The following C10orf143 variants were observed in gnomAD, a reference collection of about 807,000 sequenced individuals.
C10orf143 encodes chromosome 10 open reading frame 143, also known as uncharacterized protein C10orf143.
At chr10:130,059,600 G>T (rs1350863953), downstream of C10orf143, among the ~76,000 whole-genome samples, 2 of 152,122 alleles carry the variant, frequency 1.3e-5, no homozygotes, top group Non-Finnish European at 2.9e-5. Flanking sequence ...AATCTAAATA[G>T]AATCCACTTA....
intron 3 of C10orf143, among the ~76,000 whole-genome samples, chr10:130,074,520 C>A (rs551246748): frequency 1.3e-5 from 2 of 152,266 alleles, no homozygotes; most frequent in South Asian, 2.1e-4. Context: ...GATATCAGAA[C>A]GTTACATTTC....
intron 3 of C10orf143, among the ~76,000 whole-genome samples, chr10:130,043,520 C>T (rs942796722): frequency 6.6e-6 from 1 of 152,222 alleles, no homozygotes; most frequent in African/African-American, 2.4e-5. Flanking sequence ...CTCGTTCCAG[C>T]AGCAGAAAGT....
chr10:130,044,618 CAA>C (rs773904739), intron 3 of C10orf143, among the ~76,000 whole-genome samples: 11 of 152,144 alleles, frequency 7.2e-5, no homozygotes, highest in Non-Finnish European at 1.5e-4. Context: ...TGCAGATGAG[CAA>C]AGTCAGGGAA....
chr10:130,094,061 A>G (rs1861426393), intron 1 of C10orf143, among the ~76,000 whole-genome samples: 1 of 151,802 alleles, frequency 6.6e-6, no homozygotes, highest in Non-Finnish European at 1.5e-5. Context: ...CTGATCCCAC[A>G]GAAATACAAA....
intron 1 of C10orf143, chr10:130,106,536 A>C (rs1345622202): frequency 6.3e-7 from 1 of 1,596,730 alleles, no homozygotes; most frequent in Non-Finnish European, 8.6e-7. Context: ...CAACAAAATG[A>C]ATTGATGGCG....
rs756999324 is a variant in C10orf143 at position 130,107,542 on chromosome 10, T to A, written c.69+3162A>T. 6 of 1,345,390 alleles carry A rather than the reference T, an allele frequency of 4.5e-6. No individual in the cohort carries two copies. The Admixed American group carries it at 8.5e-5, about 19-fold the overall frequency. The allele number at this position is 1,345,390 out of a possible 1,614,324, so 83.3% of individuals were successfully genotyped here. A position where few individuals can be genotyped will look rare whatever the true frequency, so the allele number is the denominator to read the frequency against. On this transcript the variant is annotated intron_variant, in intron 1 of 3. Transcript: ENST00000637128. ...ATAAAATAAAACTTCTAAAAAAAGA[T>A]CCTTATGTACTTGATGTTCCAAATA...
At chr10:130,088,247 G>A (rs573236850) in intron 1 of C10orf143, among the ~76,000 whole-genome samples, 176 of 152,212 alleles carry the variant, frequency 1.2e-3, no homozygotes, top group African/African-American at 3.6e-3. Flanking sequence ...AGCCAGGCGT[G>A]GTGGCACGTG....
chr10:130,078,351 G>A (rs373383540), intron 3 of C10orf143, among the ~76,000 whole-genome samples: 3 of 152,102 alleles, frequency 2.0e-5, no homozygotes, highest in Non-Finnish European at 2.9e-5. Flanking sequence ...AGAAGGCACC[G>A]GTCAGTCATC....
chr10:130,060,778 A>G (rs868042308), downstream of C10orf143, among the ~76,000 whole-genome samples: 11 of 140,078 alleles, frequency 7.9e-5, no homozygotes, highest in African/African-American at 1.4e-4. Context: ...AGCCGAGATC[A>G]CGCCACTGCA....
intron 3 of C10orf143, among the ~76,000 whole-genome samples, chr10:130,055,789 C>CA (rs1332188158): frequency 1.1e-4 from 17 of 150,550 alleles, no homozygotes; most frequent in Admixed American, 8.6e-4. Context: ...ACTAAAAATA[C>CA]AAAAAAAATA....
intron 1 of C10orf143, among the ~76,000 whole-genome samples, chr10:130,092,170 G>C (rs1281614864): frequency 2.0e-5 from 3 of 152,324 alleles, no homozygotes; most frequent in African/African-American, 7.2e-5. Flanking sequence ...AGAGAGAAAG[G>C]TTGGGTTACC....
intron 3 of C10orf143, chr10:130,067,263 T>G (rs1860952779): frequency 6.6e-6 from 1 of 152,276 alleles, no homozygotes; most frequent in Admixed American, 6.5e-5. Flanking sequence ...GGGCTCTCCA[T>G]GACCTCTCTG....
chr10:130,085,771 CAA>C (rs1262026947), intron 1 of C10orf143, among the ~76,000 whole-genome samples: 1 of 122,690 alleles, frequency 8.2e-6, no homozygotes, highest in Non-Finnish European at 1.8e-5. Context: ...TTCAAAATAA[CAA>C]GTTTTTTAAA....
chr10:130,097,378 T>A (rs955312878), intron 1 of C10orf143, among the ~76,000 whole-genome samples: 2 of 152,046 alleles, frequency 1.3e-5, no homozygotes, highest in African/African-American at 4.8e-5. Flanking sequence ...ATAGCAAGAC[T>A]GTACCTCTAC....
At chr10:130,048,168 C>T (rs376523788) in intron 3 of C10orf143, among the ~76,000 whole-genome samples, 32 of 152,326 alleles carry the variant, frequency 2.1e-4, no homozygotes, top group Non-Finnish European at 4.0e-4. Flanking sequence ...AAGGGGAGGA[C>T]AGCAGGCTTG....
intron 3 of C10orf143, among the ~76,000 whole-genome samples, chr10:130,054,309 T>G (rs528387113): frequency 6.6e-6 from 1 of 152,348 alleles, no homozygotes; most frequent in African/African-American, 2.4e-5. Flanking sequence ...TCACTTAGCA[T>G]GATGTCCTCC....
rs778483362 is a variant in C10orf143, at chr10:130,042,964, C to A, written c.298-6994G>T. 4.6e-5 allele frequency among the ~76,000 whole-genome samples: 7 copies of A among 152,176 alleles called. No individual in the cohort carries two copies. In the East Asian group the frequency reaches 1.3e-3, roughly 29 times the overall value. ...TACTGAGGTATTCAAGGTGGAATTA[C>A]GGATTACCTTAATACACTCCAGGAA... On this transcript the variant is annotated intron_variant and NMD_transcript_variant, in intron 3 of 5. Coordinates refer to the C10orf143 transcript ENST00000643056.
At chr10:130,038,205 T>C (rs1368878383) in intron 3 of C10orf143, among the ~76,000 whole-genome samples, 4 of 152,136 alleles carry the variant, frequency 2.6e-5, no homozygotes, top group Admixed American at 6.5e-5. Context: ...CTGCAGCAAC[T>C]GGGCCAGCAG....
At chr10:130,047,736 CCTT>C (rs1304311361) in intron 3 of C10orf143, among the ~76,000 whole-genome samples, 3 of 152,196 alleles carry the variant, frequency 2.0e-5, no homozygotes, top group Non-Finnish European at 4.4e-5. Context: ...ACTTTCACAT[CCTT>C]CTATTTTAAC....
Sources: gnomAD v4.1 joint callset for allele counts (sites outside exome capture counted in the v4.1 genomes callset) on GRCh38, gnomAD v4.1.1 for gene constraint, MANE v1.5 for transcripts, NCBI Gene and HGNC (gene_info 2026-07-23, HGNC 2026-07-21) for gene names.